The following IFT88 variants were observed in gnomAD, a reference collection of about 807,000 sequenced individuals.
The protein encoded by IFT88 is intraflagellar transport protein 88 homolog.
A neutral mutation model predicts 119.5 loss-of-function variants in IFT88; 74 were observed. That is an observed-to-expected ratio of 0.62 (90% CI 0.51 to 0.75). IFT88 has a LOEUF of 0.75. Ranked by LOEUF, IFT88 falls within the 30% of genes least tolerant of loss-of-function variation. The probability of loss-of-function intolerance (pLI) is 0.00; values close to 1 mark genes in which losing one functional copy is unlikely to be tolerated. For synonymous variants in IFT88, 279 were observed against 316.7 expected (o/e 0.88, Z 1.26); for missense variants, 961 against 977.7 (o/e 0.98, Z 0.23).
At chr13:20,612,542 T>A (rs1379711432) in intron 13 of IFT88, among the ~76,000 whole-genome samples, 1 of 152,222 alleles carries the variant, frequency 6.6e-6, no homozygotes, top group Admixed American at 6.5e-5. Context: ...CACTTAATGT[T>A]ATTAAAATGG....
chr13:20,636,776 G>A (rs1556121), intron 16 of IFT88, among the ~76,000 whole-genome samples: 140,041 of 152,310 alleles, frequency 0.92, 64,472 homozygotes, highest in East Asian at 1. Context: ...TAGTTTTTAA[G>A]CAGCAGCACC....
At position 20,644,851 on chromosome 13, in the gene IFT88, G is replaced by GT; in HGVS notation, c.1843dup (p.Tyr615LeufsTer5). On this transcript the variant is annotated frameshift_variant, in exon 20 of 26. Coordinates refer to ENST00000351808, the MANE Select transcript of IFT88 (RefSeq NM_006531.5). LOFTEE classifies it high-confidence loss of function. ...CCATATTTGTTTTACAGTCATATAGGTATTTTCCTTGTAATATTGAAGTCA... is the reference window on the plus strand; with the variant it reads ...CCATATTTGTTTTACAGTCATATAGGTTATTTTCCTTGTAATATTGAAGTCA... 1 of 1,497,654 alleles carries GT rather than the reference G, an allele frequency of 6.7e-7. No homozygotes were observed. The allele number at this position is 1,497,654 out of a possible 1,614,324, so 92.8% of individuals were successfully genotyped here.
chr13:20,671,462 C>T (rs1223662585), intron 24 of IFT88, among the ~76,000 whole-genome samples: 5 of 152,140 alleles, frequency 3.3e-5, no homozygotes, highest in African/African-American at 9.7e-5. Context: ...GAATTAGTGA[C>T]AAGCTAGGAA....
intron 23 of IFT88, among the ~76,000 whole-genome samples, chr13:20,668,206 G>C (rs1198679664): frequency 6.6e-6 from 1 of 152,198 alleles, no homozygotes; most frequent in African/African-American, 2.4e-5. Flanking sequence ...CTGTTGCCTG[G>C]TGGGATTGCT....
intron 18 of IFT88, among the ~76,000 whole-genome samples, chr13:20,643,194 T>C (rs1380557502): frequency 6.6e-6 from 1 of 152,190 alleles, no homozygotes; most frequent in Non-Finnish European, 1.5e-5. Flanking sequence ...ATACTTTGAA[T>C]AATTCTACCA....
At position 20,641,335 on chromosome 13, in the gene IFT88, G is replaced by A. The variant is rs1330644120; in HGVS notation, c.1619G>A (p.Cys540Tyr). The change falls in exon 18 of 26, where the codon TGT becomes TAT. Residue 540 changes from cysteine to tyrosine, a missense_variant. By Grantham distance (194) the Cys-to-Tyr change is radical. Coordinates refer to ENST00000351808, the MANE Select transcript of IFT88 (RefSeq NM_006531.5). ...KLNRLDEALD[C>Y]FLKLHAILRN... ...AATCGGCTAGATGAGGCTTTGGACTGTTTCCTGAAACTTCACGCAATCCTA... is the reference window on the plus strand; with the variant it reads ...AATCGGCTAGATGAGGCTTTGGACTATTTCCTGAAACTTCACGCAATCCTA... The A allele has an allele frequency of 6.2e-7, 1 of 1,612,544 alleles. No individual in the cohort carries two copies.
intron 2 of IFT88, among the ~76,000 whole-genome samples, chr13:20,578,099 C>T (rs1245096705): frequency 8.4e-6 from 1 of 118,848 alleles, no homozygotes; most frequent in Non-Finnish European, 1.6e-5. Context: ...GGCTGGAGTG[C>T]AGTGGTGCAA....
At chr13:20,623,334 T>C (rs1017777238) in intron 14 of IFT88, among the ~76,000 whole-genome samples, 18 of 152,234 alleles carry the variant, frequency 1.2e-4, no homozygotes, top group African/African-American at 4.3e-4. Context: ...GATGGATTTT[T>C]CTGTATCTGG....
In IFT88 at chr13:20,638,520, T is replaced by C. The variant is rs749820221; in HGVS notation, c.1573+2T>C. Reference sequence around the variant, plus strand: ...GTACTGAAGCACTTTATAATATTGGTAAGTGAAACAAGGGGAAATTGCTTT... The same window carrying C: ...GTACTGAAGCACTTTATAATATTGGCAAGTGAAACAAGGGGAAATTGCTTT... On this transcript the variant is annotated splice_donor_variant, in intron 17 of 25. Coordinates refer to ENST00000351808, the MANE Select transcript of IFT88 (RefSeq NM_006531.5). LOFTEE classifies it high-confidence loss of function. The C allele has an allele frequency of 2.1e-6, 3 of 1,418,944 alleles. No individual in the cohort carries two copies. Among genetic ancestry groups the C allele is most frequent in the Non-Finnish European group, 2.8e-6 (3 of 1,080,828 alleles). The allele number at this position is 1,418,944 out of a possible 1,614,324, so 87.9% of individuals were successfully genotyped here. A position where few individuals can be genotyped will look rare whatever the true frequency, so the allele number is the denominator to read the frequency against.
At chr13:20,572,364 G>A (rs1341017644) in intron 1 of IFT88, among the ~76,000 whole-genome samples, 1 of 151,900 alleles carries the variant, frequency 6.6e-6, no homozygotes, top group Non-Finnish European at 1.5e-5. Flanking sequence ...AATTACAGAT[G>A]TGCACCACCA....
At chr13:20,656,510 AGTAATT>A in intron 22 of IFT88, 80 bp downstream of exon 22, 1 of 581,366 alleles carries the variant, frequency 1.7e-6, no homozygotes. Flanking sequence ...CCTTTGCTAC[AGTAATT>A]GTATACGTAA....
intron 24 of IFT88, among the ~76,000 whole-genome samples, chr13:20,675,977 C>G (rs2056615970): frequency 6.6e-6 from 1 of 152,136 alleles, no homozygotes; most frequent in Admixed American, 6.5e-5. Flanking sequence ...TCCTTTTGAT[C>G]AAAGCACTGC....
chr13:20,587,103 A>G (rs2039810067), intron 3 of IFT88, among the ~76,000 whole-genome samples: 1 of 152,180 alleles, frequency 6.6e-6, no homozygotes, highest in African/African-American at 2.4e-5. Context: ...GTATGCTTTC[A>G]ATTTTTTGAA....
chr13:20,587,416 C>T (rs1333837134), intron 3 of IFT88, among the ~76,000 whole-genome samples: 1 of 152,080 alleles, frequency 6.6e-6, no homozygotes, highest in African/African-American at 2.4e-5. Flanking sequence ...AGCCACCACA[C>T]CTGGCTAATT....
chr13:20,597,135 T>C lies in IFT88; in HGVS notation c.594+16T>C. ...AACTTACTCAGTAAGTATTGAAATATAACACAATTTTTAAATAAAATTTTG... is the reference window on the plus strand; with the variant it reads ...AACTTACTCAGTAAGTATTGAAATACAACACAATTTTTAAATAAAATTTTG... On this transcript the variant is annotated intron_variant, in intron 9 of 25. Transcript: ENST00000351808. 7.1e-7 allele frequency: 1 copy of C among 1,414,442 alleles called. No individual in the cohort carries two copies. The highest frequency in any genetic ancestry group is 1.8e-4 in the Middle Eastern group (1 of 5,632). The allele number at this position is 1,414,442 out of a possible 1,614,324, so 87.6% of individuals were successfully genotyped here. A position where few individuals can be genotyped will look rare whatever the true frequency, so the allele number is the denominator to read the frequency against.
intron 15 of IFT88, among the ~76,000 whole-genome samples, chr13:20,626,496 A>G (rs60637462): frequency 1.3e-3 from 202 of 152,354 alleles, no homozygotes; most frequent in African/African-American, 4.3e-3. Context: ...AGGAACACTG[A>G]TTGTGCTAGG....
chr13:20,595,888 A>T (rs576572129), intron 7 of IFT88, among the ~76,000 whole-genome samples: 1 of 152,070 alleles, frequency 6.6e-6, no homozygotes. Flanking sequence ...TACAAAAAAC[A>T]AAAACAAAAT....
intron 14 of IFT88, among the ~76,000 whole-genome samples, chr13:20,621,419 A>G (rs766311853): frequency 2.0e-5 from 3 of 151,886 alleles, no homozygotes; most frequent in Non-Finnish European, 4.4e-5. Context: ...CAGGCAGTAT[A>G]AGTCCTCCAG....
chr13:20,638,498 C>T lies in IFT88; in HGVS notation c.1553C>T (p.Thr518Ile). ...GCTCTAAGAAATGATTCTTCTTGTACTGAAGCACTTTATAATATTGGTAAG... is the reference window on the plus strand; with the variant it reads ...GCTCTAAGAAATGATTCTTCTTGTATTGAAGCACTTTATAATATTGGTAAG... ...KEALRNDSSC[T>I]EALYNIGLTY... The change falls in exon 17 of 26, where the codon ACT (threonine) becomes ATT (isoleucine). Residue 518 changes from threonine (T) to isoleucine (I), a missense_variant. Physicochemically the swap from Thr to Ile is moderately conservative, Grantham distance 89. Transcript: ENST00000351808. The T allele has an allele frequency of 6.8e-7, 1 of 1,480,266 alleles. No individual in the cohort carries two copies. Among genetic ancestry groups the T allele is most frequent in the Non-Finnish European group, 8.9e-7 (1 of 1,118,676 alleles). 91.7% of individuals were successfully genotyped at this position (1,480,266 alleles called of 1,614,324 possible). A position where few individuals can be genotyped will look rare whatever the true frequency, so the allele number is the denominator to read the frequency against.
Sources: allele counts gnomAD v4.1 joint callset (sites outside exome capture counted in the v4.1 genomes callset), GRCh38; gene constraint gnomAD v4.1.1; transcripts MANE v1.5; gene names NCBI Gene and HGNC (gene_info 2026-07-23, HGNC 2026-07-21).